Variants in AGBL4 observed in about 807,000 individuals in gnomAD.
AGBL4 encodes the protein AGBL carboxypeptidase 4.
AGBL4 carries 58 observed loss-of-function variants against 66.4 expected under a neutral mutation model. That is an observed-to-expected ratio of 0.87 (90% CI 0.71 to 1.09). The LOEUF is 1.09. AGBL4 is among the 50% of genes least tolerant of loss of function. AGBL4 has a pLI of 0.00. For missense variants in AGBL4, 579 were observed against 631.0 expected (o/e 0.92, Z 0.88); for synonymous variants, 234 against 222.9 (o/e 1.05, Z -0.44).
At chr1:49,745,823 G>GA (rs1650941385) in intron 2 of AGBL4, among the ~76,000 whole-genome samples, 1 of 150,746 alleles carries the variant, frequency 6.6e-6, no homozygotes, top group Non-Finnish European at 1.5e-5. Flanking sequence ...ATAATTGACA[G>GA]AAGCAAAAAA....
chr1:49,245,097 A>G (rs1006197556), intron 4 of AGBL4, among the ~76,000 whole-genome samples: 2 of 151,770 alleles, frequency 1.3e-5, no homozygotes, highest in African/African-American at 4.8e-5. Flanking sequence ...AGTAACAACA[A>G]ATATAAAGCA....
intron 4 of AGBL4, among the ~76,000 whole-genome samples, chr1:49,163,443 T>C (rs2148145572): frequency 6.6e-6 from 1 of 152,338 alleles, no homozygotes; most frequent in Admixed American, 6.5e-5. Context: ...ACTTGGTTCC[T>C]TCCTATTTGC....
intron 1 of AGBL4, among the ~76,000 whole-genome samples, chr1:50,007,192 C>T (rs1661195310): frequency 6.6e-6 from 1 of 152,040 alleles, no homozygotes; most frequent in African/African-American, 2.4e-5. Flanking sequence ...TTGCAAGCCC[C>T]ATGGTAACCT....
At chr1:50,015,169 A>C (rs1322179089) in intron 1 of AGBL4, among the ~76,000 whole-genome samples, 1 of 152,172 alleles carries the variant, frequency 6.6e-6, no homozygotes, top group Non-Finnish European at 1.5e-5. Flanking sequence ...TCATCATTCA[A>C]GACTCAATTA....
At chr1:49,659,008 T>TA (rs1365313009) in intron 3 of AGBL4, among the ~76,000 whole-genome samples, 2 of 151,548 alleles carry the variant, frequency 1.3e-5, no homozygotes, top group Non-Finnish European at 2.9e-5. Flanking sequence ...TAAAGTATAA[T>TA]AAAAAAATAA....
chr1:49,819,565 T>C (rs1284559271), intron 2 of AGBL4, among the ~76,000 whole-genome samples: 2 of 152,120 alleles, frequency 1.3e-5, no homozygotes, highest in African/African-American at 4.8e-5. Context: ...TACCAATCCG[T>C]GTATAAGAAA....
At chr1:50,009,570 G>A (rs1661376725) in intron 1 of AGBL4, among the ~76,000 whole-genome samples, 3 of 151,678 alleles carry the variant, frequency 2.0e-5, no homozygotes, top group African/African-American at 7.3e-5. Flanking sequence ...TGCTGAATAG[G>A]GAAAAACTGA....
At chr1:48,682,529 C>G (rs915515067) in intron 6 of AGBL4, among the ~76,000 whole-genome samples, 1 of 152,026 alleles carries the variant, frequency 6.6e-6, no homozygotes, top group Admixed American at 6.6e-5. Flanking sequence ...CTGCTTCAAC[C>G]TCCTGAGTAG....
At chr1:48,672,905 G>A (rs1022518278) in intron 6 of AGBL4, among the ~76,000 whole-genome samples, 6 of 152,174 alleles carry the variant, frequency 3.9e-5, no homozygotes, top group African/African-American at 1.4e-4. Flanking sequence ...AAGAGGAACC[G>A]TTTTGAGCAG....
chr1:49,907,940 G>A (rs1031782559), intron 1 of AGBL4, among the ~76,000 whole-genome samples: 10 of 151,724 alleles, frequency 6.6e-5, no homozygotes, highest in South Asian at 2.1e-4. Flanking sequence ...TTAATTTTGC[G>A]ATAACCTAAA....
chr1:49,318,097 A>C (rs954970533), intron 3 of AGBL4, among the ~76,000 whole-genome samples: 1 of 152,042 alleles, frequency 6.6e-6, no homozygotes, highest in African/African-American at 2.4e-5. Flanking sequence ...GAATGACAGA[A>C]AAGTATATTT....
At chr1:49,511,779 G>T (rs1198925572) in intron 3 of AGBL4, among the ~76,000 whole-genome samples, 1 of 151,782 alleles carries the variant, frequency 6.6e-6, no homozygotes, top group Non-Finnish European at 1.5e-5. Flanking sequence ...GATTCATTCT[G>T]TTGGACAGAA....
chr1:49,631,654 C>T (rs935398187), intron 3 of AGBL4, among the ~76,000 whole-genome samples: 12 of 152,108 alleles, frequency 7.9e-5, no homozygotes, highest in Non-Finnish European at 1.0e-4. Flanking sequence ...GAACCCAAAA[C>T]CCATTCTCAC....
At chr1:49,687,762 A>G (rs1558162943) in intron 3 of AGBL4, among the ~76,000 whole-genome samples, 2 of 152,088 alleles carry the variant, frequency 1.3e-5, no homozygotes, top group Non-Finnish European at 1.5e-5. Flanking sequence ...ATGACAGAGT[A>G]AAAGCCTATC....
intron 5 of AGBL4, among the ~76,000 whole-genome samples, chr1:49,042,317 A>G (rs1643964423): frequency 6.6e-6 from 1 of 152,124 alleles, no homozygotes; most frequent in Non-Finnish European, 1.5e-5. Context: ...CAGAAAGGGA[A>G]CATAGAATTC....
intron 8 of AGBL4, 47 bp downstream of exon 8, chr1:48,653,290 A>G (rs533953029): frequency 1.4e-6 from 2 of 1,420,058 alleles, no homozygotes; most frequent in East Asian, 2.5e-5. Context: ...CTTCCATACT[A>G]CCATCCTATA....
At chr1:49,371,614 T>A (rs934886822) in intron 3 of AGBL4, among the ~76,000 whole-genome samples, 7 of 152,292 alleles carry the variant, frequency 4.6e-5, no homozygotes, top group Non-Finnish European at 1.0e-4. Context: ...TGTTTGGCTG[T>A]TCCTCACATG....
chr1:48,937,962 T>C (rs1361893705), intron 5 of AGBL4, among the ~76,000 whole-genome samples: 1 of 152,216 alleles, frequency 6.6e-6, no homozygotes, highest in Non-Finnish European at 1.5e-5. Context: ...CTTCGACTTA[T>C]CAGCAGGGTG....
intron 4 of AGBL4, among the ~76,000 whole-genome samples, chr1:49,212,440 C>T (rs1011151221): frequency 2.0e-5 from 3 of 152,074 alleles, no homozygotes; most frequent in Non-Finnish European, 2.9e-5. Flanking sequence ...TGAACACTGA[C>T]GTTATCAATT....
Sources: gnomAD v4.1 joint callset for allele counts (sites outside exome capture counted in the v4.1 genomes callset) on GRCh38, gnomAD v4.1.1 for gene constraint, MANE v1.5 for transcripts, NCBI Gene and HGNC (gene_info 2026-07-23, HGNC 2026-07-21) for gene names.